Variants in PSD3 observed in about 807,000 individuals in gnomAD.
The protein encoded by PSD3 is PH and SEC7 domain-containing protein 3.
In PSD3, 49 loss-of-function variants were observed where a neutral mutation model predicts 105.5. That is an observed-to-expected ratio of 0.46 (90% CI 0.37 to 0.59). PSD3 has a LOEUF of 0.59. Among genes scored for constraint, PSD3 ranks in the 20% least tolerant of loss-of-function variants. PSD3 has a pLI of 0.00. For missense variants in PSD3, 1,561 were observed against 1,263.8 expected (o/e 1.24, Z -3.57); for synonymous variants, 557 against 457.8 (o/e 1.22, Z -2.77).
Position 18,879,417 on chromosome 8 carries a change from A to G in PSD3, c.131-6684T>C, listed in dbSNP as rs1817973636. Among the ~76,000 whole-genome samples the G allele has an allele frequency of 3.3e-5, 5 of 152,064 alleles. No individual in the cohort carries two copies. In the South Asian group the frequency reaches 1.0e-3, roughly 32 times the overall value. ...TAAGAACTGGAACAGACGGGGGGAG[A>G]CAAATGTTCTGAGAGGCGAAAGGAC... On this transcript the variant is annotated intron_variant, in intron 2 of 15. Transcript: ENST00000327040.
chr8:18,741,645 G>T (rs1804580473), intron 9 of PSD3, among the ~76,000 whole-genome samples: 1 of 152,138 alleles, frequency 6.6e-6, no homozygotes, highest in South Asian at 2.1e-4. Context: ...CCTTTGAAAT[G>T]CAGTATTTTA....
intron 9 of PSD3, among the ~76,000 whole-genome samples, chr8:18,754,184 G>T (rs1219360304): frequency 1.3e-5 from 2 of 152,152 alleles, no homozygotes; most frequent in Admixed American, 6.5e-5. Flanking sequence ...AGGAGTTCCG[G>T]ATCAGCCTGA....
chr8:18,576,414 C>T (rs181133609), intron 12 of PSD3, among the ~76,000 whole-genome samples: 59 of 152,044 alleles, frequency 3.9e-4, no homozygotes, highest in Non-Finnish European at 1.0e-4. Flanking sequence ...ACAGTCTTCT[C>T]GAGTGGTATG....
chr8:18,684,213 C>T, intron 9 of PSD3: 1 of 73,220 alleles, frequency 1.4e-5, no homozygotes, highest in South Asian at 2.7e-4. Flanking sequence ...TCCACACACA[C>T]ACACACACAC....
At chr8:18,663,638 G>C (rs1435133243) in intron 9 of PSD3, among the ~76,000 whole-genome samples, 1 of 152,088 alleles carries the variant, frequency 6.6e-6, no homozygotes, top group Admixed American at 6.6e-5. Flanking sequence ...TATTGAACTG[G>C]CTGTTGTGTC....
intron 1 of PSD3, among the ~76,000 whole-genome samples, chr8:19,020,131 A>G (rs1471469440): frequency 6.6e-6 from 1 of 152,226 alleles, no homozygotes; most frequent in African/African-American, 2.4e-5. Context: ...TGCTAGGTAT[A>G]GTTTACTGAC....
chr8:18,654,833 G>A (rs1250096784), intron 10 of PSD3, among the ~76,000 whole-genome samples: 2 of 152,028 alleles, frequency 1.3e-5, no homozygotes, highest in African/African-American at 4.8e-5. Context: ...TTTGGTTGCT[G>A]TTGTTGTTTT....
chr8:18,865,123 C>G (rs1816725578), intron 4 of PSD3: 1 of 150,366 alleles, frequency 6.7e-6, no homozygotes. Flanking sequence ...ATGAATCCGG[C>G]CTAGGAGCCA....
chr8:18,566,976 A>G (rs138066527), intron 14 of PSD3, among the ~76,000 whole-genome samples: 198 of 152,338 alleles, frequency 1.3e-3, no homozygotes, highest in African/African-American at 4.6e-3. Flanking sequence ...TTTCACGTAC[A>G]TATCACTTAC....
chr8:18,698,674 T>A (rs1351166944), intron 9 of PSD3, among the ~76,000 whole-genome samples: 2 of 152,192 alleles, frequency 1.3e-5, no homozygotes, highest in African/African-American at 4.8e-5. Flanking sequence ...ACAACAAGTT[T>A]ATGGTAATTT....
intron 6 of PSD3, chr8:18,802,129 G>C (rs966983446): frequency 1.9e-5 from 4 of 209,454 alleles, no homozygotes; most frequent in African/African-American, 6.8e-5. Flanking sequence ...TCTGTTAATT[G>C]TGTCTGTTAT....
At chr8:18,981,390 A>C (rs1450743674) in intron 1 of PSD3, among the ~76,000 whole-genome samples, 5 of 152,214 alleles carry the variant, frequency 3.3e-5, no homozygotes, top group African/African-American at 4.8e-5. Context: ...GACTAAATGA[A>C]TTGAAGCCCA....
intron 9 of PSD3, among the ~76,000 whole-genome samples, chr8:18,666,562 C>A (rs1331886160): frequency 6.6e-6 from 1 of 152,154 alleles, no homozygotes; most frequent in Non-Finnish European, 1.5e-5. Flanking sequence ...CATCAAAAAA[C>A]AAACTAAGAG....
At chr8:18,927,607 C>T (rs1476909854) in intron 2 of PSD3, among the ~76,000 whole-genome samples, 2 of 152,194 alleles carry the variant, frequency 1.3e-5, no homozygotes, top group African/African-American at 4.8e-5. Context: ...CAGGAGGCTG[C>T]TCACTGCTGC....
At chr8:19,063,216 G>A (rs1303208658) in intron 1 of PSD3, among the ~76,000 whole-genome samples, 1 of 152,038 alleles carries the variant, frequency 6.6e-6, no homozygotes, top group Non-Finnish European at 1.5e-5. Context: ...TATTAACCTG[G>A]GTATTTTCTA....
At chr8:18,701,151 G>A (rs1180291702) in intron 9 of PSD3, among the ~76,000 whole-genome samples, 3 of 114,900 alleles carry the variant, frequency 2.6e-5, no homozygotes, top group African/African-American at 6.0e-5. Flanking sequence ...TTTTTTTTCT[G>A]TAGAGACAGG....
intron 9 of PSD3, among the ~76,000 whole-genome samples, chr8:18,694,291 T>C (rs1483389849): frequency 6.6e-6 from 1 of 152,180 alleles, no homozygotes; most frequent in Non-Finnish European, 1.5e-5. Context: ...GAAAACATTC[T>C]ACAAAACTCA....
chr8:18,945,417 G>C (rs1191248661), intron 1 of PSD3, among the ~76,000 whole-genome samples: 1 of 152,210 alleles, frequency 6.6e-6, no homozygotes, highest in Non-Finnish European at 1.5e-5. Context: ...GGGGCTGTGA[G>C]CCAAGGAATG....
intron 15 of PSD3, 73 bp from the exon 16 acceptor site, chr8:18,536,031 T>C: frequency 7.1e-7 from 1 of 1,404,542 alleles, no homozygotes; most frequent in East Asian, 2.3e-5. Flanking sequence ...CACTTGTGTA[T>C]TACCCACCTG....
Sources: allele counts gnomAD v4.1 joint callset (sites outside exome capture counted in the v4.1 genomes callset), GRCh38; gene constraint gnomAD v4.1.1; transcripts MANE v1.5; gene names NCBI Gene and HGNC (gene_info 2026-07-23, HGNC 2026-07-21).